The following PI4KA variants were observed in gnomAD, a reference collection of about 807,000 sequenced individuals.
PI4KA encodes the protein phosphatidylinositol 4-kinase alpha.
In PI4KA, 122 loss-of-function variants were observed where a neutral mutation model predicts 271.4. The ratio of observed to expected loss-of-function variants is 0.45; its 90% CI spans 0.39 to 0.52. PI4KA has a LOEUF of 0.52. Among genes scored for constraint, PI4KA ranks in the 20% least tolerant of loss-of-function variants. The pLI is 0.00. For missense variants in PI4KA, 1,969 were observed against 2,769.1 expected (o/e 0.71, Z 6.48); for synonymous variants, 1,041 against 1,078.8 (o/e 0.96, Z 0.69).
At position 20,743,302 on chromosome 22, in the gene PI4KA, G is replaced by A. The variant is rs1200647120; in HGVS notation, c.3457-538C>T. 3.3e-5 allele frequency among the ~76,000 whole-genome samples: 5 copies of A among 151,648 alleles called. No homozygotes were observed. The East Asian group carries it at 5.9e-4, about 18-fold the overall frequency. Reference sequence around the variant, plus strand: ...CTGGATTACAGGCATGCGCCACCACGCCTGGCTAATTTTTCTATTTTAGTA... The same window carrying A: ...CTGGATTACAGGCATGCGCCACCACACCTGGCTAATTTTTCTATTTTAGTA... On this transcript the variant is annotated intron_variant, in intron 30 of 54. Coordinates refer to ENST00000255882, the MANE Select transcript of PI4KA (RefSeq NM_058004.4).
At chr22:20,730,418 G>C (rs566780234) in intron 36 of PI4KA, among the ~76,000 whole-genome samples, 1 of 151,438 alleles carries the variant, frequency 6.6e-6, no homozygotes, top group Admixed American at 6.6e-5. Context: ...GGGATTACAG[G>C]TGCCTGACAC....
chr22:20,832,185 G>A (rs1169386078), intron 3 of PI4KA, among the ~76,000 whole-genome samples: 13 of 145,818 alleles, frequency 8.9e-5, no homozygotes, highest in Non-Finnish European at 1.5e-4. Flanking sequence ...GCGCGATCTC[G>A]GCTCACTGTT....
At chr22:20,816,906 G>A (rs1184115430) in intron 7 of PI4KA, among the ~76,000 whole-genome samples, 1 of 152,170 alleles carries the variant, frequency 6.6e-6, no homozygotes, top group East Asian at 1.9e-4. Context: ...ACAGAGGGTG[G>A]ACAATGAGCT....
rs200648608 is a variant in PI4KA at position 20,796,360 on chromosome 22, C to T, written c.2109-46G>A. 37 of 1,579,070 alleles carry T rather than the reference C, an allele frequency of 2.3e-5. No individual in the cohort carries two copies. In the African/African-American group the frequency reaches 2.4e-4, roughly 10 times the overall value. ...TAACAGCCACTGCCAGGCCCTCAAC[C>T]GTCCCCAAGGGACGGCACTGCAGGG... On this transcript the variant is annotated intron_variant, in intron 17 of 54. Coordinates refer to ENST00000255882, the MANE Select transcript of PI4KA (RefSeq NM_058004.4).
In PI4KA at chr22:20,824,330, T is replaced by C. The variant is rs772359170; in HGVS notation, c.452A>G (p.Asp151Gly). The change falls in exon 4 of 55, where the codon GAT becomes GGT. Residue 151 changes from aspartate to glycine, a missense_variant. Physicochemically the swap from Asp to Gly is moderately conservative, Grantham distance 94 (BLOSUM62 -1). Coordinates refer to ENST00000255882, the MANE Select transcript of PI4KA (RefSeq NM_058004.4). ...DVAYRDPSLR[D>G]EILEVLLQVL... ...AATCAACCAACACATGCTTACCTCATCCCTAAGTGAAGGATCCCTATAGGC... is the reference window on the plus strand; with the variant it reads ...AATCAACCAACACATGCTTACCTCACCCCTAAGTGAAGGATCCCTATAGGC... The C allele has an allele frequency of 1.2e-5, 20 of 1,602,578 alleles. 1 individual carries two copies. The South Asian group carries it at 1.3e-4, about 11-fold the overall frequency.
In PI4KA at chr22:20,780,116, G is replaced by A. The variant is rs763025107; in HGVS notation, c.2328+13077C>T. On this transcript the variant is annotated intron_variant, in intron 19 of 54. Transcript: ENST00000255882. ...CAAAAACCAACAACCACATCATGAA[G>A]CTCACCAAGGGCCTCATAAAAGATG... The A allele has an allele frequency of 6.2e-6, 10 of 1,614,150 alleles. No individual in the cohort carries two copies. In the South Asian group the frequency reaches 1.1e-4, roughly 18 times the overall value.
At chr22:20,817,903 T>C (rs1415844959) in intron 7 of PI4KA, among the ~76,000 whole-genome samples, 1 of 151,456 alleles carries the variant, frequency 6.6e-6, no homozygotes, top group East Asian at 1.9e-4. Flanking sequence ...AATGGGTGGA[T>C]CACTTGAGGT....
chr22:20,819,923 T>C (rs1006608513), intron 5 of PI4KA, 23 bp from the exon 6 acceptor site: 7 of 1,602,412 alleles, frequency 4.4e-6, no homozygotes, highest in African/African-American at 2.7e-5. Flanking sequence ...GTGAAAACGT[T>C]ACAATATAAG....
chr22:20,724,598 T>A (rs1927131866), intron 42 of PI4KA, among the ~76,000 whole-genome samples: 1 of 152,072 alleles, frequency 6.6e-6, no homozygotes, highest in African/African-American at 2.4e-5. Context: ...AGAGCGAGAC[T>A]CTGTCTAAAA....
At chr22:20,847,562 C>T (rs1461319943) in intron 1 of PI4KA, among the ~76,000 whole-genome samples, 1 of 152,038 alleles carries the variant, frequency 6.6e-6, no homozygotes, top group African/African-American at 2.4e-5. Context: ...CAAGACCAAC[C>T]TGGAGTACAT....
At chr22:20,727,436 C>A in intron 40 of PI4KA, 39 bp from the exon 41 acceptor site, 1 of 1,540,468 alleles carries the variant, frequency 6.5e-7, no homozygotes, top group Non-Finnish European at 8.7e-7. Context: ...CTTGGGCAGT[C>A]CCGGGACCTC....
At chr22:20,794,767 C>T (rs2147563546) in intron 18 of PI4KA, among the ~76,000 whole-genome samples, 1 of 152,324 alleles carries the variant, frequency 6.6e-6, no homozygotes, top group South Asian at 2.1e-4. Context: ...ACTTCTGTAA[C>T]ACCCTCATCT....
chr22:20,817,402 A>T (rs1382824998), intron 7 of PI4KA, among the ~76,000 whole-genome samples: 1 of 152,028 alleles, frequency 6.6e-6, no homozygotes, highest in African/African-American at 2.4e-5. Flanking sequence ...CAATTCAGTA[A>T]ATTATGTAAA....
Position 20,717,739 on chromosome 22 carries a change from C to A in PI4KA, c.5286G>T (p.Leu1762=), listed in dbSNP as rs1362696873. Residue 1762 remains leucine, a synonymous_variant, in exon 45 of 55, where the codon CTG becomes CTT. Coordinates refer to ENST00000255882, the MANE Select transcript of PI4KA (RefSeq NM_058004.4). ...GCACCTTCACTTCAGACAGGGCCGA[C>A]AGACAAGCCTTCTTTCTCTCGTCGC... ...PKGDERKKAC[L]SALSEVKVQP... 3.8e-6 allele frequency: 6 copies of A among 1,580,774 alleles called. No individual in the cohort carries two copies. Among genetic ancestry groups the A allele is most frequent in the Non-Finnish European group, 5.2e-6 (6 of 1,161,708 alleles).
chr22:20,779,213 C>T lies in PI4KA; in HGVS notation c.2329-13520G>A, dbSNP rs753683100. ...GTGAGGGCCTCTTCCTGGGTCAAAG[C>T]CACAGGGAACCTGCCATGTGGATGC... On this transcript the variant is annotated intron_variant, in intron 19 of 54. Coordinates refer to ENST00000255882, the MANE Select transcript of PI4KA (RefSeq NM_058004.4). 1.9e-6 allele frequency: 3 copies of T among 1,602,248 alleles called. No individual in the cohort carries two copies. The African/African-American group carries it at 4.0e-5, about 21-fold the overall frequency.
At chr22:20,797,902 C>A (rs1461504312) in intron 17 of PI4KA, among the ~76,000 whole-genome samples, 1 of 152,188 alleles carries the variant, frequency 6.6e-6, no homozygotes, top group African/African-American at 2.4e-5. Context: ...CTGTCCTCAT[C>A]TGACTTCACC....
intron 19 of PI4KA, among the ~76,000 whole-genome samples, chr22:20,775,065 GCT>G (rs934026421): frequency 1.3e-5 from 2 of 152,090 alleles, no homozygotes; most frequent in Non-Finnish European, 2.9e-5. Context: ...CATTCTGCCT[GCT>G]CTGTTGGGCC....
intron 43 of PI4KA, among the ~76,000 whole-genome samples, chr22:20,719,408 G>C (rs1926429271): frequency 6.6e-6 from 1 of 151,956 alleles, no homozygotes. Flanking sequence ...TGGGACTACA[G>C]GTGCGCATCA....
chr22:20,733,606 G>A (rs570297786), intron 35 of PI4KA, 130 bp downstream of exon 35: 465 of 1,411,048 alleles, frequency 3.3e-4, no homozygotes, highest in Non-Finnish European at 4.3e-4. Context: ...GATACTGAAG[G>A]AGGAGGTTGG....
Sources: gnomAD v4.1 joint callset for allele counts (sites outside exome capture counted in the v4.1 genomes callset) on GRCh38, gnomAD v4.1.1 for gene constraint, MANE v1.5 for transcripts, NCBI Gene and HGNC (gene_info 2026-07-23, HGNC 2026-07-21) for gene names.